PCDHGB7: variants seen among roughly 807,000 people sequenced by gnomAD.
PCDHGB7 encodes protocadherin gamma-B7.
A neutral mutation model predicts 61.4 loss-of-function variants in PCDHGB7; 37 were observed. The ratio of observed to expected loss-of-function variants is 0.60; its 90% CI spans 0.46 to 0.79. The LOEUF (loss-of-function observed/expected upper bound fraction) is 0.79, where lower values mean the gene tolerates loss of function less well. Among genes scored for constraint, PCDHGB7 ranks in the 30% least tolerant of loss-of-function variants. The probability of loss-of-function intolerance (pLI) is 0.00; values close to 1 mark genes in which losing one functional copy is unlikely to be tolerated. For synonymous variants in PCDHGB7, 464 were observed against 503.5 expected, an observed-to-expected ratio of 0.92 and a Z score of 1.05; for missense variants, 1,166 against 1,202.5, an observed-to-expected ratio of 0.97 and a Z score of 0.45.
chr5:141,420,061 G>C lies in PCDHGB7; in HGVS notation c.2202G>C (p.Lys734Asn). Residue 734 changes from lysine to asparagine, a missense_variant, in exon 1 of 4, where the codon AAG becomes AAC. Coordinates refer to ENST00000398594, the MANE Select transcript of PCDHGB7 (RefSeq NM_018927.4). ...GDCFESVLCS[K>N]SGPVGPPNYS... ...GCTTTGAGTCAGTTCTCTGCTCCAA[G>C]TCCGGACCTGTGGGTCCCCCCAACT... The C allele has an allele frequency of 6.2e-7, 1 of 1,614,076 alleles. No individual in the cohort carries two copies.
chr5:141,486,150 G>T lies in PCDHGB7; in HGVS notation c.2416-8657G>T. The T allele has an allele frequency of 6.2e-7, 1 of 1,614,180 alleles. No individual in the cohort carries two copies. The highest frequency in any genetic ancestry group is 8.5e-7 in the Non-Finnish European group (1 of 1,180,030). On this transcript the variant is annotated intron_variant, in intron 1 of 3. Transcript: ENST00000398594. This position sits in a 1 kb window ranked among gnomAD's most constrained non-coding sequence, Gnocchi z 5.0. The stretch of plus-strand genomic sequence containing the variant: ...TTTGATGTGCGGGCTCGCGATGGGG[G>T]TTCTCCAGCCATGGAGCAACATTGC...
chr5:141,481,182 G>T (rs2099533183), intron 1 of PCDHGB7, among the ~76,000 whole-genome samples: 1 of 152,180 alleles, frequency 6.6e-6, no homozygotes, highest in Non-Finnish European at 1.5e-5. Flanking sequence ...AGCTTTATTG[G>T]GCCAGGCCCA....
At chr5:141,421,218 A>G (rs969154252) in intron 1 of PCDHGB7, 1 of 1,570,664 alleles carries the variant, frequency 6.4e-7, no homozygotes, top group Admixed American at 1.9e-5. Flanking sequence ...ATATCGGCTT[A>G]GAGCCTGCCA....
In PCDHGB7 at chr5:141,487,456, G is replaced by A. The variant is rs1041154635; in HGVS notation, c.2416-7351G>A. Reference sequence around the variant, plus strand: ...AGCTAGGGTCAGATGACCCTATCAAGTTTGTTGATGTGGGAGGCCACTCTC... The same window carrying A: ...AGCTAGGGTCAGATGACCCTATCAAATTTGTTGATGTGGGAGGCCACTCTC... On this transcript the variant is annotated intron_variant, in intron 1 of 3. Coordinates refer to ENST00000398594, the MANE Select transcript of PCDHGB7 (RefSeq NM_018927.4). The surrounding 1 kb of genome is among the most constrained non-coding windows in gnomAD (Gnocchi z 5.0). 6.2e-7 allele frequency: 1 copy of A among 1,614,196 alleles called. No individual in the cohort carries two copies. The highest frequency in any genetic ancestry group is 8.5e-7 in the Non-Finnish European group (1 of 1,180,026).
In PCDHGB7 at chr5:141,432,776, G is replaced by C. The variant is rs975435403; in HGVS notation, c.2415+12502G>C. 1.9e-6 allele frequency: 3 copies of C among 1,614,172 alleles called. No homozygotes were observed. In the African/African-American group the frequency reaches 4.0e-5, roughly 22 times the overall value. ...GGCCGACAGCATCCCCCAAGTCCTG[G>C]CGGACCTCGGCAGCCTCGAGTCTCC... On this transcript the variant is annotated intron_variant, in intron 1 of 3. Transcript: ENST00000398594. This position sits in a 1 kb window ranked among gnomAD's most constrained non-coding sequence, Gnocchi z 6.0.
intron 1 of PCDHGB7, among the ~76,000 whole-genome samples, chr5:141,435,150 C>G (rs1256233613): frequency 6.6e-6 from 1 of 152,006 alleles, no homozygotes; most frequent in Non-Finnish European, 1.5e-5. Context: ...TTGTGATAAA[C>G]TTTTGTAAAT....
chr5:141,473,308 A>G (rs1248143328), intron 1 of PCDHGB7, among the ~76,000 whole-genome samples: 1 of 152,234 alleles, frequency 6.6e-6, no homozygotes, highest in Non-Finnish European at 1.5e-5. Context: ...AGATTGCTAT[A>G]TTAATAAGCA....
chr5:141,425,241 AG>A (rs2096863585), intron 1 of PCDHGB7, among the ~76,000 whole-genome samples: 1 of 152,220 alleles, frequency 6.6e-6, no homozygotes, highest in Admixed American at 6.5e-5. Flanking sequence ...TTAAATAAAA[AG>A]GATATGAGGT....
intron 1 of PCDHGB7, chr5:141,428,587 G>T: frequency 4.4e-6 from 1 of 226,768 alleles, no homozygotes; most frequent in Non-Finnish European, 8.9e-6. Context: ...AGTTTCTCTG[G>T]TAGCAAGCTT....
intron 1 of PCDHGB7, among the ~76,000 whole-genome samples, chr5:141,449,007 T>A (rs937327801): frequency 3.3e-5 from 5 of 152,116 alleles, no homozygotes; most frequent in African/African-American, 1.2e-4. Context: ...CTGTTTTTTT[T>A]AACAGTTGCT....
chr5:141,463,747 G>A (rs994400482), intron 1 of PCDHGB7, among the ~76,000 whole-genome samples: 13 of 152,082 alleles, frequency 8.5e-5, no homozygotes, highest in Middle Eastern at 3.4e-3. Context: ...CGCCCGGCCT[G>A]CTTCTCTTCT....
In PCDHGB7 at chr5:141,432,847, G is replaced by C. The variant is rs768265171; in HGVS notation, c.2415+12573G>C. ...ACCTCACTCTGTACCTGGTGGTAGC[G>C]GTGGCCGCGGTCTCCTGCGTCTTCC... On this transcript the variant is annotated intron_variant, in intron 1 of 3. Transcript: ENST00000398594. The surrounding 1 kb of genome is among the most constrained non-coding windows in gnomAD (Gnocchi z 6.0). The C allele has an allele frequency of 1.2e-6, 2 of 1,614,180 alleles. No homozygotes were observed. Among genetic ancestry groups the C allele is most frequent in the Admixed American group, 1.7e-5 (1 of 60,032 alleles).
At chr5:141,501,313 ACAC>A (rs2099807743) in intron 2 of PCDHGB7, among the ~76,000 whole-genome samples, 1 of 151,686 alleles carries the variant, frequency 6.6e-6, no homozygotes, top group Non-Finnish European at 1.5e-5. Context: ...ACACACACAC[ACAC>A]ACACACACAC....
chr5:141,456,087 C>T (rs1218579202), intron 1 of PCDHGB7, among the ~76,000 whole-genome samples: 1 of 151,886 alleles, frequency 6.6e-6, no homozygotes, highest in Non-Finnish European at 1.5e-5. Context: ...TCAGTAGAGA[C>T]GGGATTTCAC....
At chr5:141,454,320 C>G (rs140074578) in intron 1 of PCDHGB7, among the ~76,000 whole-genome samples, 4 of 152,148 alleles carry the variant, frequency 2.6e-5, no homozygotes, top group Admixed American at 2.6e-4. Context: ...ATTGAAACCT[C>G]CAAGAATAAA....
intron 1 of PCDHGB7, chr5:141,471,430 G>A (rs2099257545): frequency 6.6e-6 from 1 of 152,140 alleles, no homozygotes; most frequent in South Asian, 2.1e-4. Flanking sequence ...CAAGGAAAGT[G>A]TATAATCTCA....
chr5:141,483,648 T>TTGTGTGTGTGTG (rs111458813), intron 1 of PCDHGB7, among the ~76,000 whole-genome samples: 51 of 149,708 alleles, frequency 3.4e-4, no homozygotes, highest in African/African-American at 1.2e-3. Context: ...GGGTGTGTGT[T>TTGTGTGTGTGTG]TGTGTGTGTG....
chr5:141,422,686 C>T, intron 1 of PCDHGB7: 1 of 1,605,000 alleles, frequency 6.2e-7, no homozygotes, highest in East Asian at 2.2e-5. Flanking sequence ...ACAGAATGCC[C>T]TGGTCACTTA....
At position 141,511,246 on chromosome 5, in the gene PCDHGB7, G is replaced by A; in HGVS notation, c.*73G>A. 2 of 1,578,734 alleles carry A rather than the reference G, an allele frequency of 1.3e-6. No homozygotes were observed. Among genetic ancestry groups the A allele is most frequent in the Non-Finnish European group, 1.7e-6 (2 of 1,162,472 alleles). On this transcript the variant is annotated 3_prime_UTR_variant, in exon 4 of 4. Coordinates refer to ENST00000398594, the MANE Select transcript of PCDHGB7 (RefSeq NM_018927.4). The stretch of plus-strand genomic sequence containing the variant: ...CCAGCTTCTCCTTACCTGCACCCAG[G>A]CCTCAGAGTTTCAGGGCTAACCCCC...
Sources: allele counts gnomAD v4.1 joint callset (sites outside exome capture counted in the v4.1 genomes callset), GRCh38; gene constraint gnomAD v4.1.1; non-coding constraint Gnocchi (gnomAD v3.1); transcripts MANE v1.5; gene names NCBI Gene and HGNC (gene_info 2026-07-23, HGNC 2026-07-21).